The following IMMP2L variants were observed in gnomAD, a reference collection of about 807,000 sequenced individuals.
IMMP2L encodes inner mitochondrial membrane peptidase subunit 2.
A neutral mutation model predicts 19.3 loss-of-function variants in IMMP2L; 18 were observed. That is an observed-to-expected ratio of 0.93 (90% confidence interval 0.64 to 1.38). The LOEUF (loss-of-function observed/expected upper bound fraction) is 1.38. Among genes scored for constraint, IMMP2L ranks in the 40% most tolerant of loss-of-function variants. IMMP2L has a pLI of 0.00. For missense variants in IMMP2L, 233 were observed against 218.2 expected (o/e 1.07, Z -0.43); for synonymous variants, 76 against 73.0 (o/e 1.04, Z -0.21).
chr7:111,204,759 A>C (rs1165072316), intron 3 of IMMP2L, among the ~76,000 whole-genome samples: 1 of 152,240 alleles, frequency 6.6e-6, no homozygotes, highest in East Asian at 1.9e-4. Context: ...AAAGAAGCTA[A>C]GCCTTAGAGA....
intron 3 of IMMP2L, among the ~76,000 whole-genome samples, chr7:111,463,429 T>C (rs1254717804): frequency 6.6e-6 from 1 of 152,086 alleles, no homozygotes; most frequent in East Asian, 1.9e-4. Flanking sequence ...GTGAACTGCA[T>C]CATCCATGCT....
intron 5 of IMMP2L, among the ~76,000 whole-genome samples, chr7:110,713,610 T>C (rs1166637282): frequency 6.6e-6 from 1 of 151,952 alleles, no homozygotes; most frequent in Non-Finnish European, 1.5e-5. Flanking sequence ...TAGTTCTCCT[T>C]GTAGAGATCT....
intron 3 of IMMP2L, among the ~76,000 whole-genome samples, chr7:111,106,805 G>T (rs957339313): frequency 1.3e-5 from 2 of 150,670 alleles, no homozygotes; most frequent in African/African-American, 4.9e-5. Flanking sequence ...AAAAAAAATG[G>T]AATCAACACA....
chr7:111,059,737 G>T (rs1317062496), intron 3 of IMMP2L, among the ~76,000 whole-genome samples: 1 of 152,080 alleles, frequency 6.6e-6, no homozygotes, highest in Admixed American at 6.5e-5. Context: ...AGACCACAAA[G>T]TAAATTCTCC....
chr7:111,089,230 T>A (rs1796606525), intron 3 of IMMP2L, among the ~76,000 whole-genome samples: 1 of 152,118 alleles, frequency 6.6e-6, no homozygotes, highest in Admixed American at 6.5e-5. Context: ...AGATATTAGG[T>A]ATGACTGCAG....
intron 3 of IMMP2L, among the ~76,000 whole-genome samples, chr7:111,050,380 T>G (rs1168936617): frequency 6.6e-6 from 1 of 152,190 alleles, no homozygotes; most frequent in South Asian, 2.1e-4. Context: ...CTGTGAAATA[T>G]AGGTAATAAA....
At chr7:111,192,810 C>T (rs978201784) in intron 3 of IMMP2L, among the ~76,000 whole-genome samples, 1 of 152,036 alleles carries the variant, frequency 6.6e-6, no homozygotes, top group African/African-American at 2.4e-5. Context: ...CAATTTTAAG[C>T]AGGATAAAGG....
intron 3 of IMMP2L, among the ~76,000 whole-genome samples, chr7:111,200,807 A>G (rs574604902): frequency 3.9e-4 from 60 of 152,304 alleles, no homozygotes; most frequent in African/African-American, 1.3e-3. Flanking sequence ...GGAATTCCAC[A>G]AACAGATAAA....
intron 3 of IMMP2L, among the ~76,000 whole-genome samples, chr7:111,360,341 G>A (rs1383604013): frequency 6.6e-6 from 1 of 152,078 alleles, no homozygotes; most frequent in East Asian, 1.9e-4. Flanking sequence ...CCACTCTGAT[G>A]GTCCCCATGA....
At chr7:110,849,433 T>A (rs1244646579) in intron 5 of IMMP2L, among the ~76,000 whole-genome samples, 1 of 152,090 alleles carries the variant, frequency 6.6e-6, no homozygotes, top group Non-Finnish European at 1.5e-5. Context: ...GCCCCAAATA[T>A]CACTCATAGT....
At position 110,760,832 on chromosome 7, in the gene IMMP2L, C is replaced by T. The variant is rs1215127771; in HGVS notation, c.409-97111G>A. 2.0e-5 allele frequency among the ~76,000 whole-genome samples: 3 copies of T among 151,998 alleles called. No individual in the cohort carries two copies. Among genetic ancestry groups the T allele is most frequent in the Non-Finnish European group, 4.4e-5 (3 of 67,990 alleles). On this transcript the variant is annotated intron_variant, in intron 5 of 5. Transcript: ENST00000405709. The surrounding 1 kb of genome is among the most constrained non-coding windows in gnomAD (Gnocchi z 4.2). Reference sequence around the variant, plus strand: ...TGTAGAACGCCAGATAGGATCATCACAGTAGGCACCTCACAAAGGTCATGC... The same window carrying T: ...TGTAGAACGCCAGATAGGATCATCATAGTAGGCACCTCACAAAGGTCATGC...
At chr7:111,438,840 A>G (rs567276875) in intron 3 of IMMP2L, among the ~76,000 whole-genome samples, 1 of 151,964 alleles carries the variant, frequency 6.6e-6, no homozygotes, top group East Asian at 1.9e-4. Flanking sequence ...ACAACTTCCA[A>G]TCTCCATTTG....
intron 3 of IMMP2L, among the ~76,000 whole-genome samples, chr7:111,259,212 A>G (rs1234783988): frequency 6.6e-6 from 1 of 152,166 alleles, no homozygotes; most frequent in African/African-American, 2.4e-5. Context: ...CAGGCCTGGA[A>G]GTTGCTCTGG....
At chr7:110,990,508 G>C (rs897995881) in intron 3 of IMMP2L, among the ~76,000 whole-genome samples, 4 of 152,176 alleles carry the variant, frequency 2.6e-5, no homozygotes, top group African/African-American at 4.8e-5. Context: ...TAAGTACCAA[G>C]AGGATAGAGC....
At chr7:110,983,398 T>C (rs559938559) in intron 3 of IMMP2L, among the ~76,000 whole-genome samples, 1 of 152,188 alleles carries the variant, frequency 6.6e-6, no homozygotes, top group East Asian at 1.9e-4. Context: ...TTCTGTAATG[T>C]CACTTTTATA....
At chr7:110,932,764 T>A (rs2129551919) in intron 4 of IMMP2L, among the ~76,000 whole-genome samples, 1 of 152,312 alleles carries the variant, frequency 6.6e-6, no homozygotes, top group African/African-American at 2.4e-5. Context: ...GTACACACTG[T>A]TTTAATACTG....
chr7:111,249,169 C>T (rs1048173242), intron 3 of IMMP2L, among the ~76,000 whole-genome samples: 1 of 68,086 alleles, frequency 1.5e-5, no homozygotes, highest in African/African-American at 7.0e-5. Flanking sequence ...TAGCAATCAG[C>T]GAGATTCCGT....
chr7:111,080,956 A>T (rs2129576420), intron 3 of IMMP2L, among the ~76,000 whole-genome samples: 1 of 152,364 alleles, frequency 6.6e-6, no homozygotes, highest in Admixed American at 6.5e-5. Context: ...TAAATATTCT[A>T]TAAGCACATC....
chr7:111,340,193 T>A (rs1826871846), intron 3 of IMMP2L, among the ~76,000 whole-genome samples: 1 of 152,038 alleles, frequency 6.6e-6, no homozygotes, highest in South Asian at 2.1e-4. Context: ...AAAAGAATCA[T>A]TATTATTGGG....
Sources: gnomAD v4.1 joint callset for allele counts (sites outside exome capture counted in the v4.1 genomes callset) on GRCh38, gnomAD v4.1.1 for gene constraint, Gnocchi (gnomAD v3.1) non-coding constraint, MANE v1.5 for transcripts, NCBI Gene and HGNC (gene_info 2026-07-23, HGNC 2026-07-21) for gene names.